The following JADE2 variants were observed in gnomAD, a reference collection of about 807,000 sequenced individuals.
The protein encoded by JADE2 is E3 ubiquitin-protein ligase Jade-2.
In JADE2, 13 loss-of-function variants were observed where a neutral mutation model predicts 85.7. The ratio of observed to expected loss-of-function variants is 0.15; its 90% CI spans 0.10 to 0.24. JADE2 has a LOEUF of 0.24. JADE2 is among the 10% of genes least tolerant of loss of function. The pLI, the probability that JADE2 is intolerant of heterozygous loss-of-function variation, is 1.00. For synonymous variants in JADE2, 440 were observed against 456.1 expected, an observed-to-expected ratio of 0.96 and a Z score of 0.45; for missense variants, 846 against 1,115.9, an observed-to-expected ratio of 0.76 and a Z score of 3.45.
intron 9 of JADE2, among the ~76,000 whole-genome samples, chr5:134,571,669 C>G (rs1764028931): frequency 6.6e-6 from 1 of 152,146 alleles, no homozygotes; most frequent in Non-Finnish European, 1.5e-5. Context: ...TGCGCTCCAG[C>G]CTAGGCGACA....
chr5:134,566,654 C>A lies in JADE2; in HGVS notation c.1434+74C>A. The A allele has an allele frequency of 1.8e-6, 2 of 1,139,610 alleles. No homozygotes were observed. Among genetic ancestry groups the A allele is most frequent in the Non-Finnish European group, 2.5e-6 (2 of 811,884 alleles). The allele number at this position is 1,139,610 out of a possible 1,614,324, so 70.6% of individuals were successfully genotyped here. ...TCCTTTCCATGCCACACTCACTGCC[C>A]TGGAGCAGCTAGGACTCACCAGGAC... On this transcript the variant is annotated intron_variant, in intron 9 of 11. Coordinates refer to ENST00000681547, the MANE Select transcript of JADE2 (RefSeq NM_001388185.1). The surrounding 1 kb of genome is among the most constrained non-coding windows in gnomAD (Gnocchi z 6.7).
intron 3 of JADE2, among the ~76,000 whole-genome samples, chr5:134,544,937 C>T (rs1762202232): frequency 6.6e-6 from 1 of 152,208 alleles, no homozygotes; most frequent in African/African-American, 2.4e-5. Flanking sequence ...TGTGTTGGGG[C>T]TCCAAACCAC....
At chr5:134,558,874 AAC>A (rs1763151083) in intron 4 of JADE2, among the ~76,000 whole-genome samples, 1 of 152,196 alleles carries the variant, frequency 6.6e-6, no homozygotes, top group South Asian at 2.1e-4. Flanking sequence ...GGGGGATGGG[AAC>A]ACTGGGGCCC....
At chr5:134,557,466 G>GC (rs1247494155) in intron 4 of JADE2, among the ~76,000 whole-genome samples, 3 of 131,270 alleles carry the variant, frequency 2.3e-5, no homozygotes, top group Non-Finnish European at 4.8e-5. Flanking sequence ...TGCCATGCTG[G>GC]CGCGCTGCAC....
In JADE2 at chr5:134,566,577, G is replaced by A; in HGVS notation, c.1431G>A (p.Glu477=). Residue 477 remains glutamate (E), a synonymous_variant, in exon 9 of 12, where the codon GAG becomes GAA. Coordinates refer to ENST00000681547, the MANE Select transcript of JADE2 (RefSeq NM_001388185.1). This position sits in a 1 kb window ranked among gnomAD's most constrained non-coding sequence, Gnocchi z 6.7. Reference sequence around the variant, plus strand: ...TCACCCATCTGCGGCAGGACCTAGAGAGGGTGAGTCCCCATGCCGCCTGCC... The same window carrying A: ...TCACCCATCTGCGGCAGGACCTAGAAAGGGTGAGTCCCCATGCCGCCTGCC... ...KLFTHLRQDL[E]RVRNLCYMVT... 6.4e-7 allele frequency: 1 copy of A among 1,552,314 alleles called. No individual in the cohort carries two copies. Among genetic ancestry groups the A allele is most frequent in the Non-Finnish European group, 8.7e-7 (1 of 1,146,916 alleles).
At chr5:134,555,670 A>G (rs140309153) in intron 4 of JADE2, among the ~76,000 whole-genome samples, 408 of 152,326 alleles carry the variant, frequency 2.7e-3, no homozygotes, top group Non-Finnish European at 4.4e-3. Context: ...GGGCATCCGG[A>G]CACCCCCACT....
Position 134,564,319 on chromosome 5 carries a change from A to C in JADE2, c.853-175A>C, listed in dbSNP as rs935511215. ...TGGTGAGCTTGGGAGAGTGAGGAGG[A>C]ATTCCGGCCTTTGAGCCATGCTTGT... On this transcript the variant is annotated intron_variant, in intron 7 of 11. Coordinates refer to ENST00000681547, the MANE Select transcript of JADE2 (RefSeq NM_001388185.1). 5 of 534,358 alleles carry C rather than the reference A, an allele frequency of 9.4e-6. No homozygotes were observed. The East Asian group carries it at 1.6e-4, about 17-fold the overall frequency. The allele number at this position is 534,358 out of a possible 1,614,324, so 33.1% of individuals were successfully genotyped here.
chr5:134,560,295 G>T (rs1056887174), intron 5 of JADE2, among the ~76,000 whole-genome samples: 1 of 152,130 alleles, frequency 6.6e-6, no homozygotes, highest in African/African-American at 2.4e-5. Context: ...GGCACATGGG[G>T]CTAGGGTCAG....
chr5:134,552,987 C>CTTTTTTTTT, intron 4 of JADE2, among the ~76,000 whole-genome samples: 1 of 62,394 alleles, frequency 1.6e-5, no homozygotes, highest in Non-Finnish European at 2.7e-5. Flanking sequence ...TGGGCCTGGC[C>CTTTTTTTTT]TTTTTTTTTT....
At chr5:134,569,342 G>C (rs904268780) in intron 9 of JADE2, among the ~76,000 whole-genome samples, 19 of 152,144 alleles carry the variant, frequency 1.2e-4, no homozygotes, top group Non-Finnish European at 1.3e-4. Context: ...AGCCAGGCAG[G>C]GGTTTTGCTG....
intron 3 of JADE2, among the ~76,000 whole-genome samples, chr5:134,547,098 C>T (rs550368831): frequency 5.3e-5 from 8 of 152,292 alleles, no homozygotes; most frequent in Non-Finnish European, 1.2e-4. Context: ...TGCTTTCTTG[C>T]AGAGTTCTTC....
At chr5:134,538,225 G>A (rs1006721877) in intron 3 of JADE2, 142 bp downstream of exon 3, 12 of 632,056 alleles carry the variant, frequency 1.9e-5, no homozygotes, top group Non-Finnish European at 1.1e-5. Context: ...AGGGGAGTAG[G>A]GGCCAGTTTC....
chr5:134,579,426 G>A lies in JADE2; in HGVS notation c.*109G>A, dbSNP rs373488891. 23 of 823,512 alleles carry A rather than the reference G, an allele frequency of 2.8e-5. No individual in the cohort carries two copies. In the East Asian group the frequency reaches 4.3e-4, roughly 15 times the overall value. 51.0% of individuals were successfully genotyped at this position (823,512 alleles called of 1,614,324 possible). A position where few individuals can be genotyped will look rare whatever the true frequency, so the allele number is the denominator to read the frequency against. The stretch of plus-strand genomic sequence containing the variant: ...CTGAGTGTCCCAGACCCTCGAGGCT[G>A]CCACTCCGTCGTGGTTTTATTTTTA... On this transcript the variant is annotated 3_prime_UTR_variant, in exon 12 of 12. Coordinates refer to ENST00000681547, the MANE Select transcript of JADE2 (RefSeq NM_001388185.1). The surrounding 1 kb of genome is among the most constrained non-coding windows in gnomAD (Gnocchi z 4.6).
intron 6 of JADE2, among the ~76,000 whole-genome samples, 173 bp downstream of exon 6, chr5:134,561,130 GAC>G (rs1763297248): frequency 6.6e-6 from 1 of 152,220 alleles, no homozygotes; most frequent in Non-Finnish European, 1.5e-5. Context: ...CCTTGGCTTA[GAC>G]TTGCTGGCCA....
chr5:134,535,598 T>G (rs1391409693), intron 1 of JADE2, among the ~76,000 whole-genome samples: 4 of 151,784 alleles, frequency 2.6e-5, no homozygotes, highest in African/African-American at 9.7e-5. Flanking sequence ...CCTCTCCCTC[T>G]ACAACAGCTT....
At chr5:134,561,038 G>A in intron 6 of JADE2, 81 bp downstream of exon 6, 1 of 1,227,046 alleles carries the variant, frequency 8.1e-7, no homozygotes, top group Non-Finnish European at 1.2e-6. Context: ...GGCTCTCCAG[G>A]GGCACTGTGG....
intron 3 of JADE2, among the ~76,000 whole-genome samples, chr5:134,546,166 G>T (rs762247532): frequency 9.1e-6 from 1 of 110,432 alleles, no homozygotes; most frequent in African/African-American, 4.0e-5. Context: ...TTGTTTGTTT[G>T]TTTGTTTGTT....
At chr5:134,565,613 G>A (rs1481876265) in intron 8 of JADE2, among the ~76,000 whole-genome samples, 1 of 152,178 alleles carries the variant, frequency 6.6e-6, no homozygotes, top group Non-Finnish European at 1.5e-5. Flanking sequence ...GGGAGGCCGA[G>A]GCAGGTGGAT....
At chr5:134,577,086 GTGACATCCTGGGAAATGCCCCGTC>G (rs1764416951) in intron 11 of JADE2, 190 bp downstream of exon 11, 1 of 622,646 alleles carries the variant, frequency 1.6e-6, no homozygotes, top group African/African-American at 1.9e-5. Flanking sequence ...AGAGCCCCGT[GTGACATCCTGGGAAATGCCCCGTC>G]TGTAGACCTG....
Sources: gnomAD v4.1 joint callset for allele counts (sites outside exome capture counted in the v4.1 genomes callset) on GRCh38, gnomAD v4.1.1 for gene constraint, Gnocchi (gnomAD v3.1) non-coding constraint, MANE v1.5 for transcripts, NCBI Gene and HGNC (gene_info 2026-07-23, HGNC 2026-07-21) for gene names.